ESRP1: variants seen among roughly 807,000 people sequenced by gnomAD.
ESRP1 encodes the protein RNA-binding motif protein 35A.
Under a neutral mutation model 81.7 loss-of-function variants are expected in ESRP1, and 33 were observed. The observed-to-expected ratio is 0.40, with a 90% CI of 0.31 to 0.54. The LOEUF (loss-of-function observed/expected upper bound fraction) is 0.54, where lower values mean the gene tolerates loss of function less well. Ranked by LOEUF, ESRP1 falls within the 20% of genes least tolerant of loss-of-function variation. The pLI is 0.41. For missense variants in ESRP1, 672 were observed against 833.1 expected, an observed-to-expected ratio of 0.81 and a Z score of 2.38; for synonymous variants, 320 against 303.3, an observed-to-expected ratio of 1.06 and a Z score of -0.57.
chr8:94,672,892 AG>A (rs1455399985), intron 11 of ESRP1, among the ~76,000 whole-genome samples: 3 of 150,996 alleles, frequency 2.0e-5, no homozygotes. Context: ...CTGAGGATTA[AG>A]GGTTGAATGT....
At chr8:94,646,032 T>G (rs968329985) in intron 3 of ESRP1, 136 bp from the exon 4 acceptor site, 8 of 538,490 alleles carry the variant, frequency 1.5e-5, no homozygotes, top group African/African-American at 1.4e-4. Context: ...CTTTTAAAAA[T>G]AAATCTACTT....
chr8:94,693,816 A>G (rs1479944235), intron 14 of ESRP1, among the ~76,000 whole-genome samples: 1 of 152,216 alleles, frequency 6.6e-6, no homozygotes, highest in Non-Finnish European at 1.5e-5. Flanking sequence ...CTGTGATCTC[A>G]GCTAAAATTA....
chr8:94,704,766 GAAA>G (rs10618511), intron 15 of ESRP1, among the ~76,000 whole-genome samples: 2 of 108,752 alleles, frequency 1.8e-5, no homozygotes, highest in African/African-American at 6.6e-5. Flanking sequence ...ATCTCTTTTT[GAAA>G]AAAAAAAAAA....
In ESRP1 at chr8:94,706,063, T is replaced by G. The variant is rs1339865294; in HGVS notation, c.*174T>G. The G allele has an allele frequency of 1.8e-6, 2 of 1,084,124 alleles. No homozygotes were observed. The highest frequency in any genetic ancestry group is 5.3e-5 in the East Asian group (2 of 37,866). The allele number at this position is 1,084,124 out of a possible 1,614,324, so 67.2% of individuals were successfully genotyped here. On this transcript the variant is annotated 3_prime_UTR_variant, in exon 16 of 16. Transcript: ENST00000433389. The stretch of plus-strand genomic sequence containing the variant: ...ACAAACGGGCCTGTGCCTTATCTTT[T>G]GGTGGAGTGAAAAAATTTGAGCTAG...
At chr8:94,703,173 T>C (rs186634173) in intron 15 of ESRP1, among the ~76,000 whole-genome samples, 133 of 151,022 alleles carry the variant, frequency 8.8e-4, no homozygotes, top group African/African-American at 3.2e-3. Context: ...TTGTTGTTGT[T>C]GAGACAGAGT....
At chr8:94,645,207 C>G (rs567561033) in intron 3 of ESRP1, among the ~76,000 whole-genome samples, 3 of 152,178 alleles carry the variant, frequency 2.0e-5, no homozygotes, top group Admixed American at 1.3e-4. Flanking sequence ...ACAGCATGAA[C>G]AGGTCACATC....
At chr8:94,664,883 T>G (rs1330858200) in intron 7 of ESRP1, 44 bp from the exon 8 acceptor site, 1 of 1,609,244 alleles carries the variant, frequency 6.2e-7, no homozygotes, top group Non-Finnish European at 8.5e-7. Context: ...TTTTCCTCAC[T>G]GTATTTTTTT....
In ESRP1 at chr8:94,674,244, G is replaced by A. The variant is rs1316329418; in HGVS notation, c.1453-64G>A. 8 of 1,537,668 alleles carry A rather than the reference G, an allele frequency of 5.2e-6. 1 individual carries two copies. Among genetic ancestry groups the A allele is most frequent in the South Asian group, 3.5e-5 (3 of 85,284 alleles). On this transcript the variant is annotated intron_variant, in intron 11 of 15. Coordinates refer to ENST00000433389, the MANE Select transcript of ESRP1 (RefSeq NM_017697.4). Reference sequence around the variant, plus strand: ...GATTGTCACTTTGCATGTTTTGTAAGCAACCATTTCCTTGTTGAAGGAGAC... The same window carrying A: ...GATTGTCACTTTGCATGTTTTGTAAACAACCATTTCCTTGTTGAAGGAGAC...
intron 3 of ESRP1, among the ~76,000 whole-genome samples, chr8:94,645,659 T>C (rs1486338870): frequency 7.1e-6 from 1 of 141,414 alleles, no homozygotes. Flanking sequence ...GGCACAGAAA[T>C]AAGCCTTTTC....
chr8:94,668,368 A>G (rs1332549966), intron 10 of ESRP1, 118 bp downstream of exon 10: 2 of 979,734 alleles, frequency 2.0e-6, no homozygotes, highest in Non-Finnish European at 2.9e-6. Flanking sequence ...TAAAAGTGTA[A>G]CTGCATGAAA....
intron 13 of ESRP1, among the ~76,000 whole-genome samples, chr8:94,680,654 C>T (rs907796070): frequency 6.6e-6 from 1 of 151,986 alleles, no homozygotes; most frequent in African/African-American, 2.4e-5. Flanking sequence ...CTCAAACTCC[C>T]GACCTCAGGT....
intron 13 of ESRP1, among the ~76,000 whole-genome samples, chr8:94,683,544 C>G (rs1308079402): frequency 6.6e-6 from 1 of 152,106 alleles, no homozygotes; most frequent in Admixed American, 6.5e-5. Context: ...TTCTAATTTG[C>G]TTGTTGTTGC....
chr8:94,683,289 T>C (rs59515090), intron 13 of ESRP1, among the ~76,000 whole-genome samples: 51,925 of 151,984 alleles, frequency 0.34, 9,523 homozygotes, highest in East Asian at 0.56. Context: ...CTAAACACAT[T>C]GATCTTTGGT....
In ESRP1 at chr8:94,655,060, G is replaced by GTT. The variant is rs139506660; in HGVS notation, c.491-7207_491-7206dup. On this transcript the variant is annotated intron_variant, in intron 4 of 15. Transcript: ENST00000433389. Reference sequence around the variant, plus strand: ...TATCTGTGTCTGTGAGGTTTTTTGGGTTTTTTGTGTGTGTGTGTGTGTGTG... The same window carrying GTT: ...TATCTGTGTCTGTGAGGTTTTTTGGGTTTTTTTTGTGTGTGTGTGTGTGTGTG... Among the ~76,000 whole-genome samples the GTT allele has an allele frequency of 8.2e-3, 1,198 of 146,656 alleles. 19 individuals are homozygous for GTT. Among genetic ancestry groups the GTT allele is most frequent in the African/African-American group, 0.025 (978 of 39,754 alleles).
intron 2 of ESRP1, among the ~76,000 whole-genome samples, chr8:94,642,886 C>G (rs555395041): frequency 6.6e-6 from 1 of 152,268 alleles, no homozygotes; most frequent in Non-Finnish European, 1.5e-5. Flanking sequence ...CCAAGACTTT[C>G]CAGATCTGTA....
chr8:94,678,505 C>T (rs1808733112), intron 13 of ESRP1, 134 bp downstream of exon 13: 1 of 1,011,764 alleles, frequency 9.9e-7, no homozygotes, highest in Non-Finnish European at 1.4e-6. Flanking sequence ...CTGGTCATAT[C>T]TCTGACCAAG....
intron 4 of ESRP1, among the ~76,000 whole-genome samples, chr8:94,660,526 G>A (rs1231441607): frequency 2.6e-5 from 4 of 151,770 alleles, no homozygotes; most frequent in African/African-American, 7.3e-5. Flanking sequence ...ATCAGCTGAG[G>A]TCAGGAGTTC....
intron 11 of ESRP1, among the ~76,000 whole-genome samples, chr8:94,673,128 A>G (rs371613080): frequency 9.2e-5 from 14 of 152,348 alleles, no homozygotes; most frequent in African/African-American, 3.1e-4. Context: ...ATATTAAATT[A>G]TGCAACTTGT....
At chr8:94,678,654 C>G (rs944939104) in intron 13 of ESRP1, among the ~76,000 whole-genome samples, 18 of 152,310 alleles carry the variant, frequency 1.2e-4, no homozygotes, top group African/African-American at 4.3e-4. Flanking sequence ...GTGATGTGAT[C>G]ACTGCAATAG....
Sources: gnomAD v4.1 joint callset for allele counts (sites outside exome capture counted in the v4.1 genomes callset) on GRCh38, gnomAD v4.1.1 for gene constraint, MANE v1.5 for transcripts, NCBI Gene and HGNC (gene_info 2026-07-23, HGNC 2026-07-21) for gene names.